PRKN: variants seen among roughly 807,000 people sequenced by gnomAD.
PRKN encodes the protein parkin RBR E3 ubiquitin protein ligase.
PRKN carries 56 observed loss-of-function variants against 59.5 expected under a neutral mutation model. That is an observed-to-expected ratio of 0.94 (90% CI 0.76 to 1.18). The LOEUF (loss-of-function observed/expected upper bound fraction) is 1.18. Ranked by LOEUF, PRKN falls within the 50% of genes most tolerant of loss-of-function variation. The probability of loss-of-function intolerance (pLI) is 0.00; values close to 1 mark genes in which losing one functional copy is unlikely to be tolerated. For missense variants in PRKN, 657 were observed against 596.4 expected (o/e 1.10, Z -1.06); for synonymous variants, 250 against 222.1 (o/e 1.13, Z -1.12).
chr6:162,593,346 A>G (rs960340242), intron 1 of PRKN, among the ~76,000 whole-genome samples: 4 of 152,214 alleles, frequency 2.6e-5, no homozygotes, highest in African/African-American at 9.6e-5. Context: ...TGGCACGTCT[A>G]TTTTGTGCTT....
chr6:161,642,363 G>A lies in PRKN; in HGVS notation c.872-72947C>T, dbSNP rs77042642. Among the ~76,000 whole-genome samples, 583 of 152,268 alleles carry A rather than the reference G, an allele frequency of 3.8e-3. 17 individuals are homozygous for A. The East Asian group carries it at 0.062, about 16-fold the overall frequency. ...ATTAGATATAGATATTTGATGCCTT[G>A]CTTATTGCATTTCTTTGGTATGTGA... On this transcript the variant is annotated intron_variant, in intron 7 of 11. Coordinates refer to ENST00000366898, the MANE Select transcript of PRKN (RefSeq NM_004562.3).
At chr6:161,603,854 A>T (rs1782186745) in intron 7 of PRKN, among the ~76,000 whole-genome samples, 1 of 152,312 alleles carries the variant, frequency 6.6e-6, no homozygotes, top group Non-Finnish European at 1.5e-5. Flanking sequence ...TGAAAGGGAA[A>T]TCCAAGAGAA....
intron 9 of PRKN, among the ~76,000 whole-genome samples, chr6:161,438,326 T>A (rs1202649727): frequency 6.6e-6 from 1 of 150,768 alleles, no homozygotes. Context: ...CAAGTGATTC[T>A]CCTGCCTCAG....
rs1339923436 is a variant in PRKN at position 161,475,292 on chromosome 6, A to C, written c.1083+73562T>G. Among the ~76,000 whole-genome samples the C allele has an allele frequency of 3.3e-5, 5 of 152,136 alleles. No homozygotes were observed. The highest frequency in any genetic ancestry group is 1.2e-4 in the African/African-American group (5 of 41,434). On this transcript the variant is annotated intron_variant, in intron 9 of 11. Transcript: ENST00000366898. The surrounding 1 kb of genome is among the most constrained non-coding windows in gnomAD (Gnocchi z 5.3). Reference sequence around the variant, plus strand: ...GGGGAATGCAGTCACCTCTTCCCACACTGGTGACCCAGACATTCACGTTGC... The same window carrying C: ...GGGGAATGCAGTCACCTCTTCCCACCCTGGTGACCCAGACATTCACGTTGC...
intron 7 of PRKN, among the ~76,000 whole-genome samples, chr6:161,641,924 C>T (rs928011313): frequency 6.6e-6 from 1 of 152,176 alleles, no homozygotes; most frequent in Non-Finnish European, 1.5e-5. Context: ...CAAACATTTC[C>T]CAACAATGTT....
intron 2 of PRKN, among the ~76,000 whole-genome samples, chr6:162,276,044 T>C (rs1303151639): frequency 6.6e-6 from 1 of 152,188 alleles, no homozygotes; most frequent in Non-Finnish European, 1.5e-5. Flanking sequence ...AAGATGACGA[T>C]GTGGATGGTT....
At chr6:161,615,224 T>A (rs1028871248) in intron 7 of PRKN, among the ~76,000 whole-genome samples, 6 of 152,162 alleles carry the variant, frequency 3.9e-5, no homozygotes, top group African/African-American at 1.4e-4. Flanking sequence ...TTTTGTGTTA[T>A]TTTGGGGCTT....
chr6:161,578,937 G>C lies in PRKN; in HGVS notation c.872-9521C>G, dbSNP rs1387775668. Among the ~76,000 whole-genome samples, 1 of 152,106 alleles carries C rather than the reference G, an allele frequency of 6.6e-6. No homozygotes were observed. The highest frequency in any genetic ancestry group is 1.5e-5 in the Non-Finnish European group (1 of 68,024). On this transcript the variant is annotated intron_variant, in intron 7 of 11. Transcript: ENST00000366898. The surrounding 1 kb of genome is among the most constrained non-coding windows in gnomAD (Gnocchi z 4.2). ...TTCCTTTGTTATTGACCTATATTTTGAGTGATTGTGATGATACATTTTACA... is the reference window on the plus strand; with the variant it reads ...TTCCTTTGTTATTGACCTATATTTTCAGTGATTGTGATGATACATTTTACA...
intron 6 of PRKN, among the ~76,000 whole-genome samples, chr6:161,904,000 C>A (rs1778035081): frequency 6.6e-6 from 1 of 151,788 alleles, no homozygotes; most frequent in Non-Finnish European, 1.5e-5. Flanking sequence ...CTGTCCCCAG[C>A]ACTGGCCTCT....
chr6:161,520,202 C>G (rs890034668), intron 9 of PRKN, among the ~76,000 whole-genome samples: 1 of 148,114 alleles, frequency 6.8e-6, no homozygotes, highest in African/African-American at 2.5e-5. Context: ...CTTGGCTTCT[C>G]TCTATGCTCA....
intron 7 of PRKN, among the ~76,000 whole-genome samples, chr6:161,680,775 A>ATATATATT (rs1216235673): frequency 6.2e-4 from 19 of 30,614 alleles, no homozygotes; most frequent in East Asian, 1.3e-3. Context: ...ATATATATAT[A>ATATATATT]TTTTTTTTTT....
chr6:162,573,614 G>C (rs1225432832), intron 1 of PRKN, among the ~76,000 whole-genome samples: 1 of 152,146 alleles, frequency 6.6e-6, no homozygotes, highest in Non-Finnish European at 1.5e-5. Flanking sequence ...TAATCCAAGT[G>C]ATATTGAGGT....
chr6:162,297,174 C>CTTTTTTTT (rs10681721), intron 2 of PRKN, among the ~76,000 whole-genome samples: 7 of 139,328 alleles, frequency 5.0e-5, no homozygotes, highest in African/African-American at 1.6e-4. Context: ...TTTTTCTTTT[C>CTTTTTTTT]TTTTTTTTTT....
intron 2 of PRKN, among the ~76,000 whole-genome samples, chr6:162,334,222 T>C (rs964160293): frequency 6.6e-6 from 1 of 152,216 alleles, no homozygotes; most frequent in Non-Finnish European, 1.5e-5. Context: ...CTAGCTAAGA[T>C]TGGATACACC....
intron 6 of PRKN, among the ~76,000 whole-genome samples, chr6:161,848,230 A>C (rs1793280007): frequency 6.6e-6 from 1 of 152,164 alleles, no homozygotes; most frequent in Non-Finnish European, 1.5e-5. Context: ...GTTTTGCATT[A>C]ATGTTCATAG....
In PRKN at chr6:161,352,755, G is replaced by GTATATATATA. The variant is rs1554251151; in HGVS notation, c.1286-2554_1286-2545dup. On this transcript the variant is annotated intron_variant, in intron 11 of 11. Coordinates refer to ENST00000366898, the MANE Select transcript of PRKN (RefSeq NM_004562.3). This position sits in a 1 kb window ranked among gnomAD's most constrained non-coding sequence, Gnocchi z 5.8. The stretch of plus-strand genomic sequence containing the variant: ...TGTGTGTGTGTGTGTGTGTGTGTGT[G>GTATATATATA]TATATATATATATATATTTTATTTT... 2.9e-3 allele frequency among the ~76,000 whole-genome samples: 395 copies of GTATATATATA among 134,354 alleles called. 3 individuals are homozygous for GTATATATATA. Among genetic ancestry groups the GTATATATATA allele is most frequent in the African/African-American group, 0.011 (387 of 35,766 alleles). The allele number at this position is 134,354 out of a possible 152,430, so 88.1% of individuals were successfully genotyped here. A position where few individuals can be genotyped will look rare whatever the true frequency, so the allele number is the denominator to read the frequency against.
At chr6:161,389,800 C>A (rs1434921820) in intron 9 of PRKN, among the ~76,000 whole-genome samples, 1 of 152,084 alleles carries the variant, frequency 6.6e-6, no homozygotes, top group South Asian at 2.1e-4. Flanking sequence ...CTTATTAGCT[C>A]GTGGATGAGA....
intron 7 of PRKN, among the ~76,000 whole-genome samples, chr6:161,694,070 T>G (rs1368048313): frequency 6.6e-6 from 1 of 152,148 alleles, no homozygotes; most frequent in African/African-American, 2.4e-5. Context: ...ACACAGCACT[T>G]AGAATCAGAC....
chr6:161,803,073 T>C (rs550018731), intron 6 of PRKN, among the ~76,000 whole-genome samples: 7 of 152,304 alleles, frequency 4.6e-5, no homozygotes, highest in South Asian at 2.1e-4. Context: ...CACTCTTCAA[T>C]TGGGACTTAT....
Sources: allele counts gnomAD v4.1 joint callset (sites outside exome capture counted in the v4.1 genomes callset), GRCh38; gene constraint gnomAD v4.1.1; non-coding constraint Gnocchi (gnomAD v3.1); transcripts MANE v1.5; gene names NCBI Gene and HGNC (gene_info 2026-07-23, HGNC 2026-07-21).